FER1L5: variants seen among roughly 807,000 people sequenced by gnomAD.
FER1L5 encodes the protein fer-1 like family member 5, also known as fer-1-like protein 5.
In FER1L5, 187 loss-of-function variants were observed where a neutral mutation model predicts 279.9. That is an observed-to-expected ratio of 0.67 (90% CI 0.59 to 0.75). The LOEUF (loss-of-function observed/expected upper bound fraction) is 0.75, where lower values mean the gene tolerates loss of function less well. FER1L5 is among the 30% of genes least tolerant of loss of function. FER1L5 has a pLI of 0.00. For synonymous variants in FER1L5, 921 were observed against 989.7 expected (o/e 0.93, Z 1.30); for missense variants, 2,091 against 2,594.4 (o/e 0.81, Z 4.21).
At chr2:96,704,412 T>C in intron 52 of FER1L5, 50 bp downstream of exon 52, 2 of 1,613,094 alleles carry the variant, frequency 1.2e-6, no homozygotes, top group South Asian at 2.2e-5. Context: ...GGGATGACTC[T>C]GGGGACAGCG....
intron 30 of FER1L5, 55 bp downstream of exon 30, chr2:96,692,018 G>A (rs1332252403): frequency 5.5e-6 from 8 of 1,453,316 alleles, no homozygotes; most frequent in Non-Finnish European, 5.6e-6. Flanking sequence ...GTACCCGAGG[G>A]CGGGGGGGGG....
intron 4 of FER1L5, 121 bp downstream of exon 4, chr2:96,648,007 CT>C (rs1204734683): frequency 1.5e-6 from 1 of 687,344 alleles, no homozygotes; most frequent in Non-Finnish European, 2.6e-6. Context: ...CCTTCCTCTC[CT>C]GACCACCTCC....
chr2:96,666,605 C>T (rs1246983916), intron 14 of FER1L5, among the ~76,000 whole-genome samples: 2 of 151,926 alleles, frequency 1.3e-5, no homozygotes, highest in Non-Finnish European at 2.9e-5. Context: ...CTGGCCTCAA[C>T]CCAGCAGCTC....
intron 1 of FER1L5, among the ~76,000 whole-genome samples, chr2:96,645,240 G>C (rs1465347538): frequency 6.6e-6 from 1 of 152,214 alleles, no homozygotes; most frequent in African/African-American, 2.4e-5. Context: ...CACAAGTCCT[G>C]CATGGATGGT....
chr2:96,643,731 A>ATTTTTTT (rs575542946), intron 1 of FER1L5, among the ~76,000 whole-genome samples: 1 of 136,946 alleles, frequency 7.3e-6, no homozygotes. Context: ...TATTATCTCC[A>ATTTTTTT]TTTTTTTTTT....
At chr2:96,683,595 A>G (rs1240493539) in intron 19 of FER1L5, among the ~76,000 whole-genome samples, 3 of 150,788 alleles carry the variant, frequency 2.0e-5, no homozygotes, top group Non-Finnish European at 3.0e-5. Flanking sequence ...TCTGTAGCAC[A>G]TGGGTCCCTG....
chr2:96,672,223 C>T (rs535437670), intron 18 of FER1L5, among the ~76,000 whole-genome samples: 4 of 152,098 alleles, frequency 2.6e-5, no homozygotes, highest in Admixed American at 2.6e-4. Flanking sequence ...GGATTATAGG[C>T]ATCCACCACC....
intron 18 of FER1L5, among the ~76,000 whole-genome samples, chr2:96,671,134 C>T (rs1288792166): frequency 1.6e-5 from 1 of 63,140 alleles, no homozygotes; most frequent in Non-Finnish European, 3.0e-5. Context: ...AAAAAGGAAT[C>T]CCTGATATGG....
At chr2:96,671,637 C>A (rs1441663769) in intron 18 of FER1L5, among the ~76,000 whole-genome samples, 1 of 152,098 alleles carries the variant, frequency 6.6e-6, no homozygotes, top group Non-Finnish European at 1.5e-5. Flanking sequence ...AAGGTTTGAA[C>A]CTGTGGTAGT....
chr2:96,672,365 C>A (rs1292143584), intron 18 of FER1L5, among the ~76,000 whole-genome samples: 1 of 152,162 alleles, frequency 6.6e-6, no homozygotes, highest in East Asian at 1.9e-4. Context: ...CATGAGCCAC[C>A]ACGCCTGGCC....
chr2:96,686,251 G>A lies in FER1L5; in HGVS notation c.2130G>A (p.Val710=). ...GGCTGGTGGCCAAGGAGCAGCGAGT[G>A]GCCTATGCACAGGTGCCTGCCCACT... ...MIWLVAKEQR[V]AYAQVPAHSV... Residue 710 remains valine, a synonymous_variant, in exon 23 of 53, where the codon GTG becomes GTA. Transcript: ENST00000624922. The A allele has an allele frequency of 6.4e-7, 1 of 1,551,574 alleles. No individual in the cohort carries two copies. The highest frequency in any genetic ancestry group is 8.7e-7 in the Non-Finnish European group (1 of 1,146,926).
At chr2:96,645,997 T>C (rs1286245183) in intron 1 of FER1L5, among the ~76,000 whole-genome samples, 1 of 876 alleles carries the variant, frequency 1.1e-3, no homozygotes, top group East Asian at 0.045. Flanking sequence ...TGAAGTTTTC[T>C]TTTTTTTTTT....
intron 8 of FER1L5, 100 bp from the exon 9 acceptor site, chr2:96,654,346 G>A (rs996178015): frequency 1.5e-5 from 6 of 395,928 alleles, no homozygotes; most frequent in South Asian, 1.3e-4. Context: ...CATTCAATAC[G>A]TCAGGAGGAT....
Position 96,695,571 on chromosome 2 carries a change from C to T in FER1L5, c.3804C>T (p.Phe1268=), listed in dbSNP as rs772085317. Residue 1268 remains phenylalanine (F), a synonymous_variant, in exon 35 of 53, where the codon TTC becomes TTT. Coordinates refer to ENST00000624922, the MANE Select transcript of FER1L5 (RefSeq NM_001293083.2). The stretch of plus-strand genomic sequence containing the variant: ...GCTCCCCCCAGCTCCTGGTGGAATT[C>T]GGGGAAGAGTCCCTGAGGACAGAAC... ...KASSPQLLVE[F]GEESLRTEPI... is the part of the protein sequence containing the mutation. The T allele has an allele frequency of 3.9e-4, 621 of 1,594,062 alleles. 5 individuals are homozygous for T. The highest frequency in any genetic ancestry group is 5.6e-5 in the Non-Finnish European group (65 of 1,170,660).
chr2:96,694,006 T>C lies in FER1L5; in HGVS notation c.3570T>C (p.Leu1190=). Residue 1190 remains leucine, a synonymous_variant, in exon 33 of 53, where the codon CTT becomes CTC. Transcript: ENST00000624922. This position sits in a 1 kb window ranked among gnomAD's most constrained non-coding sequence, Gnocchi z 4.6. ...TGCCCCCCATGAGGTGGCATCCCCT[T>C]GTAAAGGAGTTGGGGAAGGAAGAGG... ...RILPPMRWHP[L]VKELGKEEGE... is the part of the protein sequence containing the mutation. 6.4e-7 allele frequency: 1 copy of C among 1,551,052 alleles called. No homozygotes were observed.
chr2:96,659,346 C>CTTCCTTCCTTCCTTCTTTCTTTCT (rs1573815353), intron 9 of FER1L5, among the ~76,000 whole-genome samples: 1 of 78,374 alleles, frequency 1.3e-5, no homozygotes, highest in East Asian at 4.6e-4. Context: ...TCCTTCCTTC[C>CTTCCTTCCTTCCTTCTTTCTTTCT]TTCCTTCCTT....
chr2:96,650,901 C>T (rs1312145305), intron 6 of FER1L5, among the ~76,000 whole-genome samples: 1 of 152,226 alleles, frequency 6.6e-6, no homozygotes, highest in Non-Finnish European at 1.5e-5. Flanking sequence ...GCTCCCATTT[C>T]CCCCTCGCCA....
intron 7 of FER1L5, chr2:96,653,370 C>A: frequency 4.5e-6 from 2 of 448,014 alleles, no homozygotes; most frequent in South Asian, 5.0e-5. Context: ...TGTACCAGTT[C>A]AGCATTCGTA....
In FER1L5 at chr2:96,694,525, T is replaced by C; in HGVS notation, c.3741+61T>C. 2.3e-6 allele frequency: 3 copies of C among 1,298,090 alleles called. No individual in the cohort carries two copies. In the South Asian group the frequency reaches 5.0e-5, roughly 22 times the overall value. 80.4% of individuals were successfully genotyped at this position (1,298,090 alleles called of 1,614,324 possible). On this transcript the variant is annotated intron_variant, in intron 34 of 52. Coordinates refer to ENST00000624922, the MANE Select transcript of FER1L5 (RefSeq NM_001293083.2). This position sits in a 1 kb window ranked among gnomAD's most constrained non-coding sequence, Gnocchi z 4.6. ...CAGGCGGGGGTGGTCTGGAGTGCGC[T>C]GCAGCCTTCTGCTGGTCCTCCCTGA...
Sources: allele counts gnomAD v4.1 joint callset (sites outside exome capture counted in the v4.1 genomes callset), GRCh38; gene constraint gnomAD v4.1.1; non-coding constraint Gnocchi (gnomAD v3.1); transcripts MANE v1.5; gene names NCBI Gene and HGNC (gene_info 2026-07-23, HGNC 2026-07-21).